Variants in B4GALNT3 observed in about 807,000 individuals in gnomAD.
B4GALNT3 encodes beta-1,4-N-acetyl-galactosaminyltransferase 3.
Under a neutral mutation model 120.2 loss-of-function variants are expected in B4GALNT3, and 86 were observed. The observed-to-expected ratio is 0.72, with a 90% CI of 0.60 to 0.86. The LOEUF (loss-of-function observed/expected upper bound fraction) is 0.86, where lower values mean the gene tolerates loss of function less well. Among genes scored for constraint, B4GALNT3 ranks in the 40% least tolerant of loss-of-function variants. The pLI, the probability that B4GALNT3 is intolerant of heterozygous loss-of-function variation, is 0.00. For synonymous variants in B4GALNT3, 518 were observed against 510.4 expected, an observed-to-expected ratio of 1.01 and a Z score of -0.20; for missense variants, 1,167 against 1,298.9, an observed-to-expected ratio of 0.90 and a Z score of 1.56.
At chr12:512,366 T>TCTTCCAC (rs1436546138) in intron 1 of B4GALNT3, among the ~76,000 whole-genome samples, 2 of 97,392 alleles carry the variant, frequency 2.1e-5, no homozygotes, top group African/African-American at 4.4e-5. Flanking sequence ...CCTTCGACCT[T>TCTTCCAC]CTTCCACCTT....
At chr12:552,874 G>A (rs1021049887) in intron 13 of B4GALNT3, 2 of 495,834 alleles carry the variant, frequency 4.0e-6, no homozygotes, top group Non-Finnish European at 7.2e-6. Flanking sequence ...CCTTTCTTGG[G>A]GGATTAGGGC....
At chr12:559,916 G>T (rs1947207431) in intron 19 of B4GALNT3, among the ~76,000 whole-genome samples, 1 of 152,086 alleles carries the variant, frequency 6.6e-6, no homozygotes, top group South Asian at 2.1e-4. Context: ...GGAGGTGCCG[G>T]GTCATGAGAC....
chr12:544,477 G>A, intron 4 of B4GALNT3, 43 bp downstream of exon 4: 2 of 1,507,898 alleles, frequency 1.3e-6, no homozygotes, highest in South Asian at 1.1e-5. Context: ...CTCCACACCT[G>A]CCTCCTCTGC....
At chr12:552,594 G>A (rs941777253) in intron 13 of B4GALNT3, 66 bp downstream of exon 13, 151 of 1,521,804 alleles carry the variant, frequency 9.9e-5, no homozygotes, top group Non-Finnish European at 1.8e-5. Flanking sequence ...GTTTCCAGGG[G>A]ATGTTCAGAC....
At chr12:504,254 C>G (rs1946472280) in intron 1 of B4GALNT3, among the ~76,000 whole-genome samples, 5 of 149,536 alleles carry the variant, frequency 3.3e-5, no homozygotes, top group African/African-American at 1.2e-4. Context: ...GCACTCCAGC[C>G]TGGGCAACAG....
chr12:559,705 C>G (rs1947203698), intron 19 of B4GALNT3, among the ~76,000 whole-genome samples: 1 of 152,042 alleles, frequency 6.6e-6, no homozygotes, highest in Non-Finnish European at 1.5e-5. Flanking sequence ...TAGACATAAA[C>G]CATGATGTTC....
chr12:559,535 A>T, intron 19 of B4GALNT3, 114 bp downstream of exon 19: 3 of 1,457,650 alleles, frequency 2.1e-6, no homozygotes, highest in Non-Finnish European at 2.8e-6. Context: ...CCCAAAGCAC[A>T]GTAAAGAGCA....
chr12:486,570 T>C (rs1946292914), intron 1 of B4GALNT3, among the ~76,000 whole-genome samples: 1 of 152,126 alleles, frequency 6.6e-6, no homozygotes, highest in African/African-American at 2.4e-5. Context: ...TGACTTGCTG[T>C]CCTAACCTAC....
At chr12:493,909 T>C (rs1246371591) in intron 1 of B4GALNT3, among the ~76,000 whole-genome samples, 2 of 152,244 alleles carry the variant, frequency 1.3e-5, no homozygotes, top group Admixed American at 6.5e-5. Flanking sequence ...CACTTCTCCA[T>C]AGTTCACTCA....
chr12:511,277 C>T (rs576048806), intron 1 of B4GALNT3, among the ~76,000 whole-genome samples: 4 of 146,340 alleles, frequency 2.7e-5, no homozygotes, highest in Admixed American at 6.9e-5. Flanking sequence ...CCACCTTCGA[C>T]CTTCTTCCAC....
chr12:512,330 ACCTT>A (rs1241510296), intron 1 of B4GALNT3, among the ~76,000 whole-genome samples: 6 of 69,096 alleles, frequency 8.7e-5, no homozygotes, highest in South Asian at 5.1e-4. Flanking sequence ...TCCACCTTCC[ACCTT>A]CCTTCCACCT....
chr12:530,502 T>C (rs1946796082), intron 1 of B4GALNT3, among the ~76,000 whole-genome samples: 1 of 152,106 alleles, frequency 6.6e-6, no homozygotes, highest in Non-Finnish European at 1.5e-5. Context: ...TCAGGAGAAA[T>C]AATTGTGAGT....
At chr12:479,469 GGGGA>G (rs1251815509) in intron 1 of B4GALNT3, among the ~76,000 whole-genome samples, 2 of 152,182 alleles carry the variant, frequency 1.3e-5, no homozygotes, top group Admixed American at 1.3e-4. Context: ...AGCAGTAAAA[GGGGA>G]TATACTTAGG....
At chr12:505,368 C>T (rs2120552553) in intron 1 of B4GALNT3, among the ~76,000 whole-genome samples, 1 of 152,352 alleles carries the variant, frequency 6.6e-6, no homozygotes, top group African/African-American at 2.4e-5. Context: ...GAACTGACAG[C>T]AGCATCAGCG....
At chr12:556,501 C>T in intron 14 of B4GALNT3, 46 bp from the exon 15 acceptor site, 1 of 1,549,058 alleles carries the variant, frequency 6.5e-7, no homozygotes, top group Non-Finnish European at 8.9e-7. Context: ...GCTACCCTCC[C>T]AGTGTGGAAA....
Position 558,551 on chromosome 12 carries a change from T to A in B4GALNT3, c.2651T>A (p.Phe884Tyr). The A allele has an allele frequency of 6.2e-7, 1 of 1,614,128 alleles. No individual in the cohort carries two copies. The highest frequency in any genetic ancestry group is 8.5e-7 in the Non-Finnish European group (1 of 1,180,004). The change falls in exon 18 of 20, where the codon TTC becomes TAC. Residue 884 changes from phenylalanine (F) to tyrosine (Y), a missense_variant. Coordinates refer to ENST00000266383, the MANE Select transcript of B4GALNT3 (RefSeq NM_173593.4). Reference sequence around the variant, plus strand: ...TTCCTCTGTGACCTCCACATCCACTTCCCAGCTGGAGTCATCGATGCCATT... The same window carrying A: ...TTCCTCTGTGACCTCCACATCCACTACCCAGCTGGAGTCATCGATGCCATT... ...IIFLCDLHIH[F>Y]PAGVIDAIRK...
chr12:524,756 T>C (rs75408725), intron 1 of B4GALNT3, among the ~76,000 whole-genome samples: 1,907 of 152,296 alleles, frequency 0.013, 40 homozygotes, highest in African/African-American at 0.043. Flanking sequence ...AGGACCTCAG[T>C]TTTCTCATCT....
rs1947231966 is a variant in B4GALNT3, at chr12:561,481, C to T, written c.*30C>T. 1.9e-6 allele frequency: 3 copies of T among 1,543,050 alleles called. No homozygotes were observed. The highest frequency in any genetic ancestry group is 2.3e-5 in the East Asian group (1 of 44,164). ...AGGGTGTCCGCGGGGCCCAGCACTC[C>T]CCGCTCTGGACTAGCAGTGGCTCCC... On this transcript the variant is annotated 3_prime_UTR_variant, in exon 20 of 20. Transcript: ENST00000266383.
chr12:532,925 C>T (rs911493539), intron 1 of B4GALNT3, among the ~76,000 whole-genome samples: 3 of 152,174 alleles, frequency 2.0e-5, no homozygotes, highest in African/African-American at 4.8e-5. Context: ...AGACCGTCTT[C>T]GAGAAGGAAT....
Sources: allele counts gnomAD v4.1 joint callset (sites outside exome capture counted in the v4.1 genomes callset), GRCh38; gene constraint gnomAD v4.1.1; transcripts MANE v1.5; gene names NCBI Gene and HGNC (gene_info 2026-07-23, HGNC 2026-07-21).